The following SYT14 variants were observed in gnomAD, a reference collection of about 807,000 sequenced individuals.
SYT14 encodes synaptotagmin-14.
SYT14 carries 32 observed loss-of-function variants against 74.2 expected under a neutral mutation model. The ratio of observed to expected loss-of-function variants is 0.43; its 90% confidence interval spans 0.33 to 0.58. SYT14 has a LOEUF of 0.58. Among genes scored for constraint, SYT14 ranks in the 20% least tolerant of loss-of-function variants. The pLI is 0.05. For missense variants in SYT14, 791 were observed against 981.8 expected (o/e 0.81, Z 2.60); for synonymous variants, 298 against 337.7 (o/e 0.88, Z 1.29).
At chr1:210,029,658 T>C (rs1359006247) in intron 5 of SYT14, among the ~76,000 whole-genome samples, 1 of 152,220 alleles carries the variant, frequency 6.6e-6, no homozygotes, top group African/African-American at 2.4e-5. Context: ...TTTTGATTAC[T>C]GTAGCTTTAT....
intron 7 of SYT14, among the ~76,000 whole-genome samples, chr1:210,111,564 G>A (rs1168912576): frequency 2.6e-5 from 4 of 151,188 alleles, no homozygotes; most frequent in South Asian, 2.1e-4. Flanking sequence ...GGGCTGCTTC[G>A]AGCGGGATTA....
intron 1 of SYT14, among the ~76,000 whole-genome samples, chr1:209,941,554 AT>A (rs1481140166): frequency 6.6e-6 from 1 of 152,086 alleles, no homozygotes; most frequent in African/African-American, 2.4e-5. Flanking sequence ...TCCTCTCTTG[AT>A]TACATATTTC....
At chr1:210,154,289 T>A (rs1288434409) in intron 7 of SYT14, among the ~76,000 whole-genome samples, 1 of 152,112 alleles carries the variant, frequency 6.6e-6, no homozygotes, top group Non-Finnish European at 1.5e-5. Flanking sequence ...CCATGGCCTG[T>A]TAGGAATGGG....
At chr1:210,072,213 T>G (rs2081409159) in intron 5 of SYT14, among the ~76,000 whole-genome samples, 1 of 151,764 alleles carries the variant, frequency 6.6e-6, no homozygotes, top group Non-Finnish European at 1.5e-5. Context: ...TCTTGATGCC[T>G]TGATTCCTGC....
chr1:209,957,500 C>G (rs376685165), intron 2 of SYT14, among the ~76,000 whole-genome samples: 1 of 151,972 alleles, frequency 6.6e-6, no homozygotes, highest in East Asian at 1.9e-4. Context: ...GATCTCGGCT[C>G]GCTGCAATCT....
intron 2 of SYT14, among the ~76,000 whole-genome samples, chr1:209,997,539 G>T (rs138057978): frequency 1.3e-5 from 2 of 152,130 alleles, no homozygotes; most frequent in Non-Finnish European, 2.9e-5. Flanking sequence ...TGGCCACACT[G>T]CCCAGTGCAA....
intron 1 of SYT14, 117 bp from the exon 2 acceptor site, chr1:209,952,592 A>G: frequency 2.5e-6 from 2 of 787,648 alleles, no homozygotes; most frequent in Non-Finnish European, 4.3e-6. Flanking sequence ...TAAAGAGAAG[A>G]GTTAGGGAAA....
chr1:210,094,687 A>G, intron 6 of SYT14, 94 bp downstream of exon 5: 1 of 1,397,462 alleles, frequency 7.2e-7, no homozygotes, highest in Non-Finnish European at 1.0e-6. Flanking sequence ...TGATTTTATC[A>G]CTTATTCCTT....
chr1:210,027,800 G>T (rs1012303210), intron 5 of SYT14, among the ~76,000 whole-genome samples: 1 of 151,990 alleles, frequency 6.6e-6, no homozygotes, highest in Non-Finnish European at 1.5e-5. Context: ...GTGTTTTGGA[G>T]ATCTTTTTAT....
chr1:210,023,008 C>T (rs1182190317), intron 5 of SYT14, among the ~76,000 whole-genome samples: 1 of 152,048 alleles, frequency 6.6e-6, no homozygotes, highest in Non-Finnish European at 1.5e-5. Context: ...TGCAAGTGGT[C>T]CAAGTGCCCC....
intron 5 of SYT14, among the ~76,000 whole-genome samples, chr1:210,042,478 T>G (rs1160617275): frequency 6.6e-6 from 1 of 152,104 alleles, no homozygotes; most frequent in African/African-American, 2.4e-5. Context: ...TCTTCTAGAG[T>G]TTTTATGGTT....
At chr1:209,954,086 G>A (rs1312163143) in intron 2 of SYT14, among the ~76,000 whole-genome samples, 1 of 152,100 alleles carries the variant, frequency 6.6e-6, no homozygotes, top group Admixed American at 6.6e-5. Context: ...CTTTTAATTT[G>A]CTGGGATAGC....
intron 4 of SYT14, among the ~76,000 whole-genome samples, chr1:210,017,339 A>G (rs142417250): frequency 1.6e-4 from 25 of 152,212 alleles, no homozygotes; most frequent in African/African-American, 5.1e-4. Flanking sequence ...TTATTTGGCC[A>G]ACTTTTCAGC....
At chr1:210,061,048 G>A (rs578070463) in intron 5 of SYT14, among the ~76,000 whole-genome samples, 2 of 152,030 alleles carry the variant, frequency 1.3e-5, no homozygotes, top group East Asian at 3.9e-4. Flanking sequence ...TTCACTGAAA[G>A]GACTTCCATG....
At chr1:209,974,167 T>C (rs1255563468) in intron 2 of SYT14, among the ~76,000 whole-genome samples, 1 of 152,236 alleles carries the variant, frequency 6.6e-6, no homozygotes, top group Non-Finnish European at 1.5e-5. Flanking sequence ...AGGTTGCCTG[T>C]TCACTCTGAT....
At chr1:210,111,051 T>G (rs1335357982) in intron 7 of SYT14, among the ~76,000 whole-genome samples, 1 of 152,128 alleles carries the variant, frequency 6.6e-6, no homozygotes, top group Non-Finnish European at 1.5e-5. Context: ...CATAAACCAT[T>G]TAACTTATCT....
intron 5 of SYT14, among the ~76,000 whole-genome samples, chr1:210,044,291 A>G (rs556052149): frequency 6.6e-6 from 1 of 152,276 alleles, no homozygotes; most frequent in South Asian, 2.1e-4. Flanking sequence ...ATTCTAGTTC[A>G]AGTTGGTTTT....
chr1:209,978,810 C>T (rs2079421631), intron 2 of SYT14, among the ~76,000 whole-genome samples: 1 of 152,374 alleles, frequency 6.6e-6, no homozygotes, highest in Admixed American at 6.5e-5. Flanking sequence ...GAGGTGGAAC[C>T]TGCAGAGGCA....
intron 7 of SYT14, among the ~76,000 whole-genome samples, chr1:210,107,282 G>A (rs951659488): frequency 7.9e-5 from 12 of 152,122 alleles, no homozygotes; most frequent in Non-Finnish European, 1.5e-4. Flanking sequence ...TGACAGCTAG[G>A]GCAACAGTCT....
Sources: allele counts gnomAD v4.1 joint callset (sites outside exome capture counted in the v4.1 genomes callset), GRCh38; gene constraint gnomAD v4.1.1; transcripts MANE v1.5; gene names NCBI Gene and HGNC (gene_info 2026-07-23, HGNC 2026-07-21).